Variants in GOLM2 observed in about 807,000 individuals in gnomAD.
GOLM2 encodes the protein protein GOLM2.
A neutral mutation model predicts 55.9 loss-of-function variants in GOLM2; 26 were observed. The ratio of observed to expected loss-of-function variants is 0.47; its 90% CI spans 0.34 to 0.65. The LOEUF is 0.65. Among genes scored for constraint, GOLM2 ranks in the 30% least tolerant of loss-of-function variants. The probability of loss-of-function intolerance (pLI) is 0.01; values close to 1 mark genes in which losing one functional copy is unlikely to be tolerated. For missense variants in GOLM2, 486 were observed against 531.8 expected, an observed-to-expected ratio of 0.91 and a Z score of 0.85; for synonymous variants, 165 against 194.6, an observed-to-expected ratio of 0.85 and a Z score of 1.27.
intron 6 of GOLM2, among the ~76,000 whole-genome samples, chr15:44,356,872 T>C (rs1354237232): frequency 2.6e-5 from 4 of 152,136 alleles, no homozygotes; most frequent in African/African-American, 9.7e-5. Flanking sequence ...AATTCAACAA[T>C]GTATACAAGA....
At chr15:44,346,900 C>T (rs756208915) in intron 6 of GOLM2, among the ~76,000 whole-genome samples, 1 of 151,708 alleles carries the variant, frequency 6.6e-6, no homozygotes, top group African/African-American at 2.4e-5. Flanking sequence ...GAAGCCTAGG[C>T]AAGAGGATTG....
chr15:44,341,089 T>C (rs2079087938), intron 6 of GOLM2, among the ~76,000 whole-genome samples: 1 of 149,616 alleles, frequency 6.7e-6, no homozygotes, highest in Non-Finnish European at 1.5e-5. Context: ...CTTTTTTTTT[T>C]TTTTTTTTTG....
intron 8 of GOLM2, among the ~76,000 whole-genome samples, chr15:44,389,397 T>G (rs2079472508): frequency 6.6e-6 from 1 of 151,928 alleles, no homozygotes; most frequent in African/African-American, 2.4e-5. Context: ...GGTGTGGTGG[T>G]ACACGCCTGC....
At chr15:44,400,321 CTTTTT>C in intron 8 of GOLM2, among the ~76,000 whole-genome samples, 1 of 148,616 alleles carries the variant, frequency 6.7e-6, no homozygotes, top group East Asian at 2.0e-4. Context: ...ACCCTCCCTT[CTTTTT>C]TTTTTCTTTG....
chr15:44,375,052 C>T (rs549978799), intron 6 of GOLM2, among the ~76,000 whole-genome samples: 2 of 152,222 alleles, frequency 1.3e-5, no homozygotes, highest in South Asian at 4.1e-4. Context: ...GAGTCTCCCT[C>T]CATTGCCCAG....
chr15:44,293,710 C>G (rs1325395643), intron 1 of GOLM2, among the ~76,000 whole-genome samples: 2 of 152,168 alleles, frequency 1.3e-5, no homozygotes, highest in African/African-American at 2.4e-5. Context: ...TGATTTATCA[C>G]TACTTATGTT....
At chr15:44,398,143 C>T (rs2079539870) in intron 8 of GOLM2, among the ~76,000 whole-genome samples, 1 of 152,208 alleles carries the variant, frequency 6.6e-6, no homozygotes, top group Non-Finnish European at 1.5e-5. Flanking sequence ...CAAACTCACT[C>T]TATCAAAAGG....
chr15:44,302,472 G>T (rs2078805503), intron 1 of GOLM2, among the ~76,000 whole-genome samples: 1 of 150,206 alleles, frequency 6.7e-6, no homozygotes, highest in Non-Finnish European at 1.5e-5. Flanking sequence ...GTCTTCCAAT[G>T]ATATATTGTG....
At chr15:44,328,434 C>T (rs1567026490) in intron 2 of GOLM2, among the ~76,000 whole-genome samples, 1 of 152,152 alleles carries the variant, frequency 6.6e-6, no homozygotes, top group Non-Finnish European at 1.5e-5. Flanking sequence ...GCCAAGATTG[C>T]ACCACTGCAC....
At chr15:44,290,055 T>A (rs975837891) in intron 1 of GOLM2, among the ~76,000 whole-genome samples, 1 of 152,250 alleles carries the variant, frequency 6.6e-6, no homozygotes, top group Non-Finnish European at 1.5e-5. Flanking sequence ...GAATGTCATG[T>A]CAGTGTCTTC....
chr15:44,289,140 C>T lies in GOLM2; in HGVS notation c.111C>T (p.Ser37=), dbSNP rs112768081. ...CCTTCAACTACTGGAGCATCTCCTCCCGCCACGTCCTGCTTCAGGAGGAGG... is the reference window on the plus strand; with the variant it reads ...CCTTCAACTACTGGAGCATCTCCTCTCGCCACGTCCTGCTTCAGGAGGAGG... ...VLAFNYWSIS[S]RHVLLQEEVA... is the part of the protein sequence containing the mutation. Residue 37 remains serine (S), a synonymous_variant, in exon 1 of 10, where the codon TCC becomes TCT. Coordinates refer to ENST00000299957, the MANE Select transcript of GOLM2 (RefSeq NM_138423.4). This position sits in a 1 kb window ranked among gnomAD's most constrained non-coding sequence, Gnocchi z 4.8. 1.9e-6 allele frequency: 3 copies of T among 1,614,194 alleles called. No individual in the cohort carries two copies.
chr15:44,355,862 C>T (rs1276372407), intron 6 of GOLM2, among the ~76,000 whole-genome samples: 1 of 152,020 alleles, frequency 6.6e-6, no homozygotes. Context: ...AGAGCCCCCA[C>T]CTTGTCATGT....
chr15:44,345,372 A>G (rs2079117132), intron 6 of GOLM2, among the ~76,000 whole-genome samples: 2 of 149,894 alleles, frequency 1.3e-5, no homozygotes, highest in Non-Finnish European at 3.0e-5. Context: ...TCCCGGGTTC[A>G]TGCCAGCCTC....
intron 8 of GOLM2, among the ~76,000 whole-genome samples, chr15:44,385,004 T>C (rs2079432488): frequency 6.6e-6 from 1 of 152,220 alleles, no homozygotes; most frequent in African/African-American, 2.4e-5. Flanking sequence ...CTGTAGCATG[T>C]AGCATCTATC....
At chr15:44,348,615 A>T (rs930088449) in intron 6 of GOLM2, 5 of 152,240 alleles carry the variant, frequency 3.3e-5, no homozygotes, top group Admixed American at 3.3e-4. Flanking sequence ...ACACAAGCCC[A>T]GCTGGCTTCA....
chr15:44,342,139 G>A (rs907119990), intron 6 of GOLM2, among the ~76,000 whole-genome samples: 1 of 151,896 alleles, frequency 6.6e-6, no homozygotes, highest in Non-Finnish European at 1.5e-5. Flanking sequence ...AAAACACCAC[G>A]TGTATTAACA....
rs566682211 is a variant in GOLM2 at position 44,402,810 on chromosome 15, T to C, written c.1073-77T>C. The C allele has an allele frequency of 1.0e-5, 15 of 1,458,806 alleles. No homozygotes were observed. In the African/African-American group the frequency reaches 2.1e-4, roughly 20 times the overall value. 90.4% of individuals were successfully genotyped at this position (1,458,806 alleles called of 1,614,324 possible). ...AGTTGCCAGCTTTCACTTGTTTACT[T>C]TCTGGTCTGCCTTCCGTATAGATTC... On this transcript the variant is annotated intron_variant, in intron 8 of 9. Coordinates refer to ENST00000299957, the MANE Select transcript of GOLM2 (RefSeq NM_138423.4).
At chr15:44,409,283 C>CAA (rs572709670) in intron 9 of GOLM2, among the ~76,000 whole-genome samples, 7 of 129,846 alleles carry the variant, frequency 5.4e-5, no homozygotes, top group African/African-American at 2.0e-4. Context: ...GACTCCGTCT[C>CAA]AAAAAAAAAA....
intron 9 of GOLM2, among the ~76,000 whole-genome samples, chr15:44,408,601 G>A (rs1005754685): frequency 2.0e-5 from 3 of 152,196 alleles, no homozygotes; most frequent in Non-Finnish European, 4.4e-5. Context: ...TGTTTGTTAA[G>A]TACGTGAGCT....
Sources: gnomAD v4.1 joint callset for allele counts (sites outside exome capture counted in the v4.1 genomes callset) on GRCh38, gnomAD v4.1.1 for gene constraint, Gnocchi (gnomAD v3.1) non-coding constraint, MANE v1.5 for transcripts, NCBI Gene and HGNC (gene_info 2026-07-23, HGNC 2026-07-21) for gene names.